ARHGAP31: variants seen among roughly 807,000 people sequenced by gnomAD.
The protein encoded by ARHGAP31 is Rho GTPase activating protein 31.
In ARHGAP31, 34 loss-of-function variants were observed where a neutral mutation model predicts 113.9. The observed-to-expected ratio is 0.30, with a 90% CI of 0.23 to 0.40. The LOEUF (loss-of-function observed/expected upper bound fraction) is 0.40, where lower values mean the gene tolerates loss of function less well. Ranked by LOEUF, ARHGAP31 falls within the 10% of genes least tolerant of loss-of-function variation. ARHGAP31 has a pLI of 1.00. For missense variants in ARHGAP31, 1,548 were observed against 1,767.1 expected, an observed-to-expected ratio of 0.88 and a Z score of 2.22; for synonymous variants, 650 against 684.8, an observed-to-expected ratio of 0.95 and a Z score of 0.79.
chr3:119,308,663 GC>G (rs1329047312), intron 1 of ARHGAP31, among the ~76,000 whole-genome samples: 2 of 152,154 alleles, frequency 1.3e-5, no homozygotes, highest in Non-Finnish European at 2.9e-5. Flanking sequence ...CATCTGTAAA[GC>G]CTCTTTGTAT....
chr3:119,416,671 A>C lies in ARHGAP31; in HGVS notation c.*407A>C. 3.5e-6 allele frequency: 1 copy of C among 287,128 alleles called. No homozygotes were observed. Among genetic ancestry groups the C allele is most frequent in the Non-Finnish European group, 6.7e-6 (1 of 148,996 alleles). 17.8% of individuals were successfully genotyped at this position (287,128 alleles called of 1,614,324 possible). ...AAAATCTCTTGCTGTGTCAAACCTC[A>C]AAATGTTGCTATTGGGGTTAGAAGG... On this transcript the variant is annotated 3_prime_UTR_variant, in exon 12 of 12. Coordinates refer to ENST00000264245, the MANE Select transcript of ARHGAP31 (RefSeq NM_020754.4).
At chr3:119,412,641 G>A (rs1191658459) in intron 11 of ARHGAP31, among the ~76,000 whole-genome samples, 2 of 152,128 alleles carry the variant, frequency 1.3e-5, no homozygotes, top group Non-Finnish European at 2.9e-5. Flanking sequence ...TGGGGAGTAA[G>A]GATGTATGAT....
intron 1 of ARHGAP31, chr3:119,314,732 A>G (rs540574099): frequency 2.6e-5 from 4 of 152,298 alleles, no homozygotes; most frequent in African/African-American, 9.7e-5. Context: ...TCTGGTCTTA[A>G]GCAAATCATC....
At chr3:119,382,142 T>G in intron 4 of ARHGAP31, 150 bp from the exon 5 acceptor site, 1 of 867,238 alleles carries the variant, frequency 1.2e-6, no homozygotes, top group Middle Eastern at 2.3e-4. Context: ...AGAAAATTAC[T>G]TCTGTCAATC....
intron 10 of ARHGAP31, among the ~76,000 whole-genome samples, chr3:119,407,177 C>A (rs987853844): frequency 6.6e-6 from 1 of 151,880 alleles, no homozygotes; most frequent in Non-Finnish European, 1.5e-5. Context: ...GAAACCCCGT[C>A]TCTACTAAAA....
chr3:119,368,362 G>A lies in ARHGAP31; in HGVS notation c.204-10G>A. 1 of 1,614,142 alleles carries A rather than the reference G, an allele frequency of 6.2e-7. No homozygotes were observed. Among genetic ancestry groups the A allele is most frequent in the Non-Finnish European group, 8.5e-7 (1 of 1,180,018 alleles). On this transcript the variant is annotated splice_polypyrimidine_tract_variant and intron_variant, in intron 2 of 11. Transcript: ENST00000264245. ...CTGGGATTGTTATGTCTCCGTCTGT[G>A]TTGTTTCAGGCAAGAGTTTGGCTCA...
At chr3:119,354,476 T>TTGTGTGTGTG (rs5852200) in intron 1 of ARHGAP31, among the ~76,000 whole-genome samples, 4 of 147,842 alleles carry the variant, frequency 2.7e-5, no homozygotes, top group African/African-American at 1.0e-4. Context: ...TGTGTGTGGT[T>TTGTGTGTGTG]TGTGTGTGTG....
Position 119,381,004 on chromosome 3 carries a change from A to T in ARHGAP31, c.431+18A>T, listed in dbSNP as rs753974872. 4 of 1,607,788 alleles carry T rather than the reference A, an allele frequency of 2.5e-6. No individual in the cohort carries two copies. Among genetic ancestry groups the T allele is most frequent in the Admixed American group, 3.3e-5 (2 of 59,996 alleles). ...CACTATAGGTAAGAATGGTTGGGAA[A>T]AGAAACGTGTGGCCTCTCAATGCAG... On this transcript the variant is annotated intron_variant, in intron 4 of 11. Coordinates refer to ENST00000264245, the MANE Select transcript of ARHGAP31 (RefSeq NM_020754.4).
intron 1 of ARHGAP31, among the ~76,000 whole-genome samples, chr3:119,307,705 C>T (rs1440960354): frequency 6.6e-6 from 1 of 151,904 alleles, no homozygotes; most frequent in African/African-American, 2.4e-5. Flanking sequence ...GATAAAAAGG[C>T]TATAATCACA....
At chr3:119,311,414 ATGAAG>A (rs2079682712) in intron 1 of ARHGAP31, among the ~76,000 whole-genome samples, 1 of 152,152 alleles carries the variant, frequency 6.6e-6, no homozygotes, top group South Asian at 2.1e-4. Flanking sequence ...CGTCTCTCTT[ATGAAG>A]TGATTACATT....
chr3:119,301,250 A>C (rs2079582084), intron 1 of ARHGAP31, among the ~76,000 whole-genome samples: 1 of 152,184 alleles, frequency 6.6e-6, no homozygotes, highest in African/African-American at 2.4e-5. Context: ...GCCGCCATCC[A>C]GATGCCTTCC....
chr3:119,319,294 T>C (rs2079762054), intron 1 of ARHGAP31, among the ~76,000 whole-genome samples: 2 of 152,002 alleles, frequency 1.3e-5, no homozygotes, highest in South Asian at 4.1e-4. Flanking sequence ...AGAAAATTTT[T>C]CTATTTTGTG....
chr3:119,344,533 C>T (rs914848514), intron 1 of ARHGAP31, among the ~76,000 whole-genome samples: 3 of 152,176 alleles, frequency 2.0e-5, no homozygotes, highest in Admixed American at 6.5e-5. Flanking sequence ...CCCAATGGGA[C>T]AGTAATCACA....
At chr3:119,388,801 G>A (rs1463551925) in intron 6 of ARHGAP31, among the ~76,000 whole-genome samples, 2 of 151,832 alleles carry the variant, frequency 1.3e-5, no homozygotes, top group East Asian at 3.9e-4. Context: ...ATGAGAGGAG[G>A]TACCACAGTA....
chr3:119,407,667 C>T (rs2107643695), intron 10 of ARHGAP31, among the ~76,000 whole-genome samples: 1 of 152,190 alleles, frequency 6.6e-6, no homozygotes, highest in South Asian at 2.1e-4. Flanking sequence ...TGGTGGGTGA[C>T]CAAGGAGAGG....
chr3:119,309,387 G>A lies in ARHGAP31; in HGVS notation c.100+14383G>A, dbSNP rs188679732. 3.5e-4 allele frequency among the ~76,000 whole-genome samples: 53 copies of A among 152,300 alleles called. No individual in the cohort carries two copies. In the East Asian group the frequency reaches 9.3e-3, roughly 27 times the overall value. The stretch of plus-strand genomic sequence containing the variant: ...GCTGGAATCATGGCTCCCATCGATT[G>A]AGAACTTGCCTCTTGCCAGGCCCTG... On this transcript the variant is annotated intron_variant, in intron 1 of 11. Transcript: ENST00000264245.
intron 1 of ARHGAP31, among the ~76,000 whole-genome samples, chr3:119,358,699 C>T (rs1227915463): frequency 1.3e-5 from 2 of 152,116 alleles, no homozygotes; most frequent in African/African-American, 4.8e-5. Flanking sequence ...ACAACATGGA[C>T]GGACCTTGAA....
At chr3:119,387,922 A>G (rs2080467038) in intron 6 of ARHGAP31, among the ~76,000 whole-genome samples, 1 of 152,224 alleles carries the variant, frequency 6.6e-6, no homozygotes, top group African/African-American at 2.4e-5. Context: ...TAATTTTGGG[A>G]CAGAGTGGTC....
chr3:119,327,548 AAAAT>A (rs1228785642), intron 1 of ARHGAP31, among the ~76,000 whole-genome samples: 15 of 152,222 alleles, frequency 9.9e-5, no homozygotes, highest in Admixed American at 7.8e-4. Flanking sequence ...ATGTCTCAAA[AAAAT>A]AAATAAATAA....
Sources: allele counts gnomAD v4.1 joint callset (sites outside exome capture counted in the v4.1 genomes callset), GRCh38; gene constraint gnomAD v4.1.1; transcripts MANE v1.5; gene names NCBI Gene and HGNC (gene_info 2026-07-23, HGNC 2026-07-21).